Variants in DNAJC18 observed in about 807,000 individuals in gnomAD.
DNAJC18 encodes DnaJ heat shock protein family (Hsp40) member C18, also known as dnaJ homolog subfamily C member 18.
Under a neutral mutation model 48.6 loss-of-function variants are expected in DNAJC18, and 40 were observed. The ratio of observed to expected loss-of-function variants is 0.82; its 90% confidence interval spans 0.64 to 1.07. DNAJC18 has a LOEUF of 1.07. Among genes scored for constraint, DNAJC18 ranks in the 50% least tolerant of loss-of-function variants. The pLI, the probability that DNAJC18 is intolerant of heterozygous loss-of-function variation, is 0.00. For missense variants in DNAJC18, 340 were observed against 427.7 expected (o/e 0.79, Z 1.81); for synonymous variants, 135 against 152.2 (o/e 0.89, Z 0.83).
intron 3 of DNAJC18, among the ~76,000 whole-genome samples, chr5:139,426,558 GA>G (rs1306296146): frequency 1.3e-5 from 2 of 152,102 alleles, no homozygotes; most frequent in Non-Finnish European, 2.9e-5. Flanking sequence ...AACAACATTG[GA>G]ATCACAGGAA....
chr5:139,435,547 T>G (rs1343959352), intron 2 of DNAJC18, among the ~76,000 whole-genome samples: 1 of 152,104 alleles, frequency 6.6e-6, no homozygotes, highest in Non-Finnish European at 1.5e-5. Context: ...TGTATTTGTT[T>G]TACTAGTATT....
At chr5:139,426,150 A>G (rs1269222527) in intron 4 of DNAJC18, 22 bp downstream of exon 4, 2 of 1,605,290 alleles carry the variant, frequency 1.2e-6, no homozygotes, top group South Asian at 1.1e-5. Context: ...ATGTTTAAGA[A>G]TGATAATTTG....
intron 6 of DNAJC18, 98 bp from the exon 7 acceptor site, chr5:139,420,323 A>G (rs542335881): frequency 7.7e-5 from 92 of 1,196,632 alleles, no homozygotes; most frequent in Non-Finnish European, 9.9e-5. Flanking sequence ...ATCTGCTCAT[A>G]GAGCAGAGGC....
intron 2 of DNAJC18, among the ~76,000 whole-genome samples, chr5:139,432,821 A>G (rs770926151): frequency 6.6e-6 from 1 of 152,186 alleles, no homozygotes; most frequent in Non-Finnish European, 1.5e-5. Context: ...AACTTTATAT[A>G]TAATGGCAGC....
chr5:139,416,929 C>G (rs571361140), intron 7 of DNAJC18, among the ~76,000 whole-genome samples: 1 of 152,238 alleles, frequency 6.6e-6, no homozygotes, highest in Admixed American at 6.5e-5. Context: ...TGGCTCACGC[C>G]TGTAATCCCA....
rs1750631366 is a variant in DNAJC18 at position 139,435,711 on chromosome 5, T to TTTTG, written c.227+1660_227+1661insCAAA. On this transcript the variant is annotated intron_variant, in intron 2 of 7. Transcript: ENST00000302060. ...GGACTTTTCTTCATTGGAAGTTTTT[T>TTTTG]TTTTTTTTTTTTTTTTTTTTTCAGA... 2.8e-5 allele frequency among the ~76,000 whole-genome samples: 3 copies of TTTTG among 106,134 alleles called. 1 individual carries two copies. Among genetic ancestry groups the TTTTG allele is most frequent in the African/African-American group, 1.1e-4 (3 of 28,078 alleles). The allele number at this position is 106,134 out of a possible 152,430, so 69.6% of individuals were successfully genotyped here.
At chr5:139,414,318 T>C (rs777097979) in intron 7 of DNAJC18, 46 bp from the exon 8 acceptor site, 71 of 1,561,916 alleles carry the variant, frequency 4.5e-5, no homozygotes, top group Non-Finnish European at 5.8e-5. Flanking sequence ...CTGAACTCCT[T>C]TGTTTCATTT....
intron 7 of DNAJC18, chr5:139,419,086 T>G: frequency 2.3e-6 from 1 of 437,778 alleles, no homozygotes; most frequent in South Asian, 1.6e-5. Context: ...CATTAGGTAT[T>G]TAATGATACT....
intron 2 of DNAJC18, among the ~76,000 whole-genome samples, chr5:139,436,242 T>C (rs1462534201): frequency 6.6e-6 from 1 of 151,954 alleles, no homozygotes; most frequent in East Asian, 1.9e-4. Flanking sequence ...TGTGCCACCA[T>C]GCCCAAGTAT....
Position 139,420,167 on chromosome 5 carries a change from C to G in DNAJC18, c.838G>C (p.Asp280His). Residue 280 changes from aspartate to histidine, a missense_variant, in exon 7 of 8, where the codon GAT becomes CAT. Coordinates refer to ENST00000302060, the MANE Select transcript of DNAJC18 (RefSeq NM_152686.4). ...CTGTAGGCCTTGTCAAAGTTTTTAT[C>G]CACAAAGTAAGGCACCTGCAGGTTC... is the stretch of plus-strand genomic sequence containing the variant. The part of the protein sequence containing the change: ...TQNLQVPYFV[D>H]KNFDKAYRGA... 3 of 1,612,046 alleles carry G rather than the reference C, an allele frequency of 1.9e-6. No homozygotes were observed. The highest frequency in any genetic ancestry group is 2.5e-6 in the Non-Finnish European group (3 of 1,179,474).
intron 2 of DNAJC18, among the ~76,000 whole-genome samples, chr5:139,435,267 C>T (rs1255985559): frequency 3.9e-5 from 6 of 152,128 alleles, no homozygotes; most frequent in African/African-American, 1.2e-4. Context: ...GCCAGAGAAT[C>T]GCTTGAACCT....
chr5:139,426,425 A>G, intron 3 of DNAJC18, 68 bp from the exon 4 acceptor site: 1 of 1,563,238 alleles, frequency 6.4e-7, no homozygotes, highest in Non-Finnish European at 8.7e-7. Context: ...TCACAGCAGC[A>G]GTGACAAAGA....
intron 5 of DNAJC18, 112 bp from the exon 6 acceptor site, chr5:139,422,929 G>A (rs977289566): frequency 1.4e-5 from 8 of 563,044 alleles, no homozygotes; most frequent in East Asian, 4.5e-5. Context: ...TCCGCCTCTC[G>A]GGTTCACGCC....
chr5:139,435,360 A>C lies in DNAJC18; in HGVS notation c.227+2012T>G, dbSNP rs146628436. 2.4e-4 allele frequency among the ~76,000 whole-genome samples: 36 copies of C among 152,288 alleles called. 1 individual carries two copies. The East Asian group carries it at 6.7e-3, about 29-fold the overall frequency. On this transcript the variant is annotated intron_variant, in intron 2 of 7. Coordinates refer to ENST00000302060, the MANE Select transcript of DNAJC18 (RefSeq NM_152686.4). ...AGAGCAAGAATCCGTCTCAAAAAAA[A>C]AAGAGTGTTGGATTTTGTTAAATGC...
chr5:139,422,959 C>T (rs1053702609), intron 5 of DNAJC18, 142 bp from the exon 6 acceptor site: 163 of 459,804 alleles, frequency 3.5e-4, no homozygotes, highest in Middle Eastern at 2.5e-3. Flanking sequence ...CCTCAGCCTC[C>T]CGAGTAGCTG....
intron 4 of DNAJC18, among the ~76,000 whole-genome samples, chr5:139,425,344 A>G (rs558663993): frequency 5.3e-5 from 8 of 152,144 alleles, no homozygotes; most frequent in African/African-American, 1.9e-4. Context: ...TTGTATTTTT[A>G]GTAGAGATGG....
Position 139,413,128 on chromosome 5 carries a change from A to G in DNAJC18, c.*1020T>C. ...GAGAGCCCCTGCTTTTATAGTAGGC[A>G]CTCAATAAATGTTGAATGAATGAAA... is the stretch of plus-strand genomic sequence containing the variant. On this transcript the variant is annotated 3_prime_UTR_variant, in exon 8 of 8. Transcript: ENST00000302060. 2 of 384,676 alleles carry G rather than the reference A, an allele frequency of 5.2e-6. No individual in the cohort carries two copies. Among genetic ancestry groups the G allele is most frequent in the East Asian group, 7.5e-5 (2 of 26,804 alleles). The allele number at this position is 384,676 out of a possible 1,614,324, so 23.8% of individuals were successfully genotyped here.
rs752639100 is a variant in DNAJC18 at position 139,414,191 on chromosome 5, C to G, written c.1034G>C (p.Cys345Ser). The change falls in exon 8 of 8, where the codon TGT becomes TCT. Residue 345 changes from cysteine (C) to serine (S), a missense_variant. Cys to Ser is a moderately radical substitution (Grantham distance 112, BLOSUM62 -1). Coordinates refer to ENST00000302060, the MANE Select transcript of DNAJC18 (RefSeq NM_152686.4). ...QKAESLKLEN[C>S]EKLSKLIGLR... ...GCCAATGAGTTTGGAAAGTTTCTCA[C>G]AGTTTTCAAGTTTCAGCGACTCTGC... is the stretch of plus-strand genomic sequence containing the variant. The G allele has an allele frequency of 1.2e-6, 2 of 1,614,204 alleles. No individual in the cohort carries two copies. The highest frequency in any genetic ancestry group is 1.7e-6 in the Non-Finnish European group (2 of 1,180,022).
intron 3 of DNAJC18, 58 bp from the exon 4 acceptor site, chr5:139,426,415 T>A (rs1182347782): frequency 1.1e-5 from 18 of 1,586,052 alleles, no homozygotes; most frequent in Non-Finnish European, 1.5e-5. Flanking sequence ...CTGAGAGTGA[T>A]CACAGCAGCA....
Sources: gnomAD v4.1 joint callset for allele counts (sites outside exome capture counted in the v4.1 genomes callset) on GRCh38, gnomAD v4.1.1 for gene constraint, MANE v1.5 for transcripts, NCBI Gene and HGNC (gene_info 2026-07-23, HGNC 2026-07-21) for gene names.